The following RNF216 variants were observed in gnomAD, a reference collection of about 807,000 sequenced individuals.
The protein encoded by RNF216 is E3 ubiquitin-protein ligase RNF216.
Under a neutral mutation model 110.8 loss-of-function variants are expected in RNF216, and 72 were observed. That is an observed-to-expected ratio of 0.65 (90% CI 0.54 to 0.79). The LOEUF is 0.79. Among genes scored for constraint, RNF216 ranks in the 30% least tolerant of loss-of-function variants. The probability of loss-of-function intolerance (pLI) is 0.00; values close to 1 mark genes in which losing one functional copy is unlikely to be tolerated. For missense variants in RNF216, 1,342 were observed against 1,141.2 expected (o/e 1.18, Z -2.54); for synonymous variants, 495 against 407.5 (o/e 1.21, Z -2.59).
At chr7:5,675,053 C>G (rs893401383) in intron 13 of RNF216, among the ~76,000 whole-genome samples, 3 of 152,078 alleles carry the variant, frequency 2.0e-5, no homozygotes, top group Non-Finnish European at 2.9e-5. Flanking sequence ...TACAGAATGG[C>G]AACTGCTGAA....
At chr7:5,702,581 A>T (rs971956941) in intron 13 of RNF216, among the ~76,000 whole-genome samples, 1 of 152,086 alleles carries the variant, frequency 6.6e-6, no homozygotes, top group African/African-American at 2.4e-5. Flanking sequence ...TTCTTCTTTA[A>T]AAGAATCTAA....
At chr7:5,626,027 C>G (rs142035220) in intron 15 of RNF216, among the ~76,000 whole-genome samples, 3 of 152,314 alleles carry the variant, frequency 2.0e-5, no homozygotes, top group Non-Finnish European at 4.4e-5. Flanking sequence ...CTGAGCAAGG[C>G]ATGAAGAGAG....
At chr7:5,775,365 A>AC (rs983868146) in intron 1 of RNF216, among the ~76,000 whole-genome samples, 1 of 151,758 alleles carries the variant, frequency 6.6e-6, no homozygotes, top group African/African-American at 2.4e-5. Flanking sequence ...TCTACAAATC[A>AC]TTTTTTTCTC....
chr7:5,772,931 A>C (rs1796575164), intron 1 of RNF216, among the ~76,000 whole-genome samples: 1 of 151,986 alleles, frequency 6.6e-6, no homozygotes, highest in South Asian at 2.1e-4. Context: ...GGCATGCGCC[A>C]CCATGTCTGG....
At chr7:5,744,314 G>T (rs946419792) in intron 3 of RNF216, among the ~76,000 whole-genome samples, 12 of 152,312 alleles carry the variant, frequency 7.9e-5, no homozygotes, top group Non-Finnish European at 1.5e-4. Flanking sequence ...TTGAAAGCCA[G>T]GTCAGAATAG....
At chr7:5,711,709 G>C in intron 13 of RNF216, 52 bp downstream of exon 13, 1 of 1,465,380 alleles carries the variant, frequency 6.8e-7, no homozygotes, top group Non-Finnish European at 9.4e-7. Flanking sequence ...CATGAGGGCA[G>C]CCCATAATAC....
intron 8 of RNF216, among the ~76,000 whole-genome samples, chr7:5,721,684 T>C (rs1189947775): frequency 6.6e-6 from 1 of 152,232 alleles, no homozygotes; most frequent in African/African-American, 2.4e-5. Context: ...AGTCTCTCCA[T>C]GTCCTTACCA....
At chr7:5,721,923 T>C (rs61405954) in intron 8 of RNF216, among the ~76,000 whole-genome samples, 57,434 of 152,112 alleles carry the variant, frequency 0.38, 12,109 homozygotes, top group Admixed American at 0.48. Context: ...GATTTGGCAA[T>C]TTATGATTTT....
At chr7:5,733,699 G>A (rs1157153994) in intron 5 of RNF216, among the ~76,000 whole-genome samples, 58 of 143,662 alleles carry the variant, frequency 4.0e-4, no homozygotes, top group African/African-American at 1.3e-3. Context: ...AGAGAAGAGA[G>A]AAGTAAACAA....
intron 1 of RNF216, among the ~76,000 whole-genome samples, chr7:5,763,019 A>C (rs1796014103): frequency 6.6e-6 from 1 of 152,174 alleles, no homozygotes; most frequent in African/African-American, 2.4e-5. Flanking sequence ...GAAACACAGA[A>C]GTTATTGATG....
intron 13 of RNF216, among the ~76,000 whole-genome samples, chr7:5,702,761 T>G (rs528986423): frequency 2.8e-4 from 43 of 152,326 alleles, no homozygotes; most frequent in African/African-American, 1.0e-3. Flanking sequence ...AAGTGAAAAC[T>G]GACAGAAGTA....
At chr7:5,749,460 G>A (rs1381932010) in intron 3 of RNF216, among the ~76,000 whole-genome samples, 16 of 152,020 alleles carry the variant, frequency 1.1e-4, no homozygotes, top group Non-Finnish European at 1.5e-5. Flanking sequence ...CTATATGGAT[G>A]TTTTTTATAT....
At chr7:5,673,046 T>C (rs1262853253) in intron 13 of RNF216, among the ~76,000 whole-genome samples, 2 of 152,120 alleles carry the variant, frequency 1.3e-5, no homozygotes, top group African/African-American at 4.8e-5. Flanking sequence ...TGTATCCATC[T>C]CTCCATCGAC....
intron 14 of RNF216, among the ~76,000 whole-genome samples, chr7:5,647,125 A>T (rs963251396): frequency 1.4e-4 from 21 of 152,004 alleles, no homozygotes; most frequent in Admixed American, 1.4e-3. Flanking sequence ...AGGTGAAAAA[A>T]AAAAAGGGAA....
Position 5,765,377 on chromosome 7 carries a change from T to C in RNF216, c.-69-4239A>G, listed in dbSNP as rs534592521. 1.1e-4 allele frequency among the ~76,000 whole-genome samples: 17 copies of C among 151,962 alleles called. No individual in the cohort carries two copies. In the South Asian group the frequency reaches 3.3e-3, roughly 30 times the overall value. On this transcript the variant is annotated intron_variant, in intron 1 of 16. Transcript: ENST00000389902. ...TACTTGGGAGGCTGAGGTAAGAGAA[T>C]TGCTTCAGCTTGGAAGGTGGAGGTT... is the stretch of plus-strand genomic sequence containing the variant.
chr7:5,633,313 T>C (rs1052565641), intron 15 of RNF216, among the ~76,000 whole-genome samples: 10 of 151,402 alleles, frequency 6.6e-5, no homozygotes, highest in African/African-American at 2.2e-4. Flanking sequence ...CGGTGGCTCA[T>C]GCCTGTAATC....
At chr7:5,765,227 C>T (rs117692834) in intron 1 of RNF216, among the ~76,000 whole-genome samples, 3,011 of 151,432 alleles carry the variant, frequency 0.02, 46 homozygotes, top group Non-Finnish European at 0.032. Context: ...TTCGGGAGGT[C>T]GAGGCCAGTG....
chr7:5,747,147 T>C (rs1339273580), intron 3 of RNF216, among the ~76,000 whole-genome samples: 1 of 152,230 alleles, frequency 6.6e-6, no homozygotes. Flanking sequence ...TTCAACTGTT[T>C]CCTTATAAAA....
chr7:5,742,957 C>T (rs1270596268), intron 3 of RNF216, among the ~76,000 whole-genome samples: 1 of 151,946 alleles, frequency 6.6e-6, no homozygotes, highest in Non-Finnish European at 1.5e-5. Context: ...AAATTTGGCA[C>T]TATTTATTAA....
Sources: allele counts gnomAD v4.1 joint callset (sites outside exome capture counted in the v4.1 genomes callset), GRCh38; gene constraint gnomAD v4.1.1; transcripts MANE v1.5; gene names NCBI Gene and HGNC (gene_info 2026-07-23, HGNC 2026-07-21).